POMGNT2: variants seen among roughly 807,000 people sequenced by gnomAD.
The protein encoded by POMGNT2 is protein O-linked-mannose beta-1,4-N-acetylglucosaminyltransferase 2.
In POMGNT2, 32 loss-of-function variants were observed where a neutral mutation model predicts 37.8. The observed-to-expected ratio is 0.85, with a 90% CI of 0.64 to 1.14. The LOEUF (loss-of-function observed/expected upper bound fraction) is 1.14. POMGNT2 is among the 50% of genes most tolerant of loss of function. The probability of loss-of-function intolerance (pLI) is 0.00; values close to 1 mark genes in which losing one functional copy is unlikely to be tolerated. For synonymous variants in POMGNT2, 340 were observed against 336.8 expected (o/e 1.01, Z -0.10); for missense variants, 705 against 780.6 (o/e 0.90, Z 1.15).
chr3:43,080,586 G>T lies in POMGNT2; in HGVS notation c.846C>A (p.Val282=), dbSNP rs761657478. The T allele has an allele frequency of 6.2e-7, 1 of 1,614,246 alleles. No homozygotes were observed. Among genetic ancestry groups the T allele is most frequent in the African/African-American group, 1.3e-5 (1 of 75,066 alleles). ...CCAGAATGTACTCCTCGCCTAGGGG[G>T]ACTCCTGTGTGGCTCACGTTCAGCT... The part of the protein sequence containing the change: ...TEKLNVSHTG[V]PLGEEYILVF... Residue 282 remains valine, a synonymous_variant, in exon 2 of 2, where the codon GTC becomes GTA. Transcript: ENST00000344697.
chr3:43,083,390 AT>A (rs1419002065), intron 1 of POMGNT2, among the ~76,000 whole-genome samples: 3 of 152,256 alleles, frequency 2.0e-5, no homozygotes, highest in African/African-American at 7.2e-5. Flanking sequence ...TAGTTGCTAA[AT>A]AAAAATCCAT....
intron 1 of POMGNT2, among the ~76,000 whole-genome samples, chr3:43,100,291 G>A (rs1184904941): frequency 6.6e-6 from 1 of 152,086 alleles, no homozygotes; most frequent in Non-Finnish European, 1.5e-5. Context: ...AAACAATATA[G>A]TATAACAACT....
At chr3:43,082,521 CAG>C (rs1163996317) in intron 1 of POMGNT2, among the ~76,000 whole-genome samples, 1 of 152,208 alleles carries the variant, frequency 6.6e-6, no homozygotes, top group Non-Finnish European at 1.5e-5. Flanking sequence ...CACACACTGA[CAG>C]AGAGGCCTGG....
At chr3:43,097,113 A>T (rs1278753175) in intron 1 of POMGNT2, among the ~76,000 whole-genome samples, 2 of 152,214 alleles carry the variant, frequency 1.3e-5, no homozygotes, top group Non-Finnish European at 2.9e-5. Context: ...GGCCAGCCCC[A>T]GACACGGGCA....
At chr3:43,099,664 G>A (rs1048491848) in intron 1 of POMGNT2, among the ~76,000 whole-genome samples, 6 of 152,134 alleles carry the variant, frequency 3.9e-5, no homozygotes, top group Admixed American at 1.3e-4. Flanking sequence ...TTCAACAGTA[G>A]AGCCCTATGG....
In POMGNT2 at chr3:43,081,313, C is replaced by A; in HGVS notation, c.119G>T (p.Arg40Leu). ...TGCTGGGGCTGGCTCTGTGGCCTGT[C>A]GGCTGAGGGCCAGCTCCTCCTCCAG... is the stretch of plus-strand genomic sequence containing the variant. ...ATLEEELALS[R>L]QATEPAPALR... The change falls in exon 2 of 2, where the codon CGA (arginine) becomes CTA (leucine). Residue 40 changes from arginine to leucine, a missense_variant. By Grantham distance (102) the Arg-to-Leu change is moderately radical. Transcript: ENST00000344697. The A allele has an allele frequency of 6.2e-7, 1 of 1,612,050 alleles. No homozygotes were observed. Among genetic ancestry groups the A allele is most frequent in the Non-Finnish European group, 8.5e-7 (1 of 1,179,994 alleles).
chr3:43,102,317 C>A (rs1251871265), intron 1 of POMGNT2, among the ~76,000 whole-genome samples: 1 of 152,236 alleles, frequency 6.6e-6, no homozygotes, highest in East Asian at 1.9e-4. Flanking sequence ...AGCAACTACA[C>A]AGCAAAGAAG....
At chr3:43,083,931 T>C (rs2089875515) in intron 1 of POMGNT2, among the ~76,000 whole-genome samples, 1 of 152,224 alleles carries the variant, frequency 6.6e-6, no homozygotes, top group Non-Finnish European at 1.5e-5. Context: ...ATTCTCTTAG[T>C]TTTCCTTCAT....
chr3:43,104,379 A>G (rs1490609711), intron 1 of POMGNT2, among the ~76,000 whole-genome samples: 1 of 152,244 alleles, frequency 6.6e-6, no homozygotes, highest in Non-Finnish European at 1.5e-5. Context: ...AATATTTACT[A>G]GAAGGCTTTG....
intron 1 of POMGNT2, among the ~76,000 whole-genome samples, chr3:43,105,534 G>A (rs890973333): frequency 6.6e-6 from 1 of 152,138 alleles, no homozygotes. Flanking sequence ...GCTCGAACTG[G>A]CAAGCCCCAG....
intron 1 of POMGNT2, among the ~76,000 whole-genome samples, chr3:43,082,172 C>T (rs1158713569): frequency 6.6e-6 from 1 of 152,340 alleles, no homozygotes; most frequent in African/African-American, 2.4e-5. Flanking sequence ...ATAGGAAAAT[C>T]CCTTGCAGGG....
chr3:43,080,827 T>C lies in POMGNT2; in HGVS notation c.605A>G (p.His202Arg), dbSNP rs1269344705. Residue 202 changes from histidine to arginine, a missense_variant, in exon 2 of 2, where the codon CAC becomes CGC. His to Arg is a conservative substitution (Grantham distance 29). Transcript: ENST00000344697. The part of the protein sequence containing the change: ...FFMEGWGEGA[H>R]FDLYKLLSPK... ...GCTGAGCAGCTTGTAGAGGTCGAAG[T>C]GTGCACCCTCGCCCCAGCCCTCCAT... 1 of 1,613,972 alleles carries C rather than the reference T, an allele frequency of 6.2e-7. No individual in the cohort carries two copies. The highest frequency in any genetic ancestry group is 1.1e-5 in the South Asian group (1 of 91,084).
chr3:43,102,000 G>A (rs1216067004), intron 1 of POMGNT2, among the ~76,000 whole-genome samples: 1 of 152,062 alleles, frequency 6.6e-6, no homozygotes, highest in African/African-American at 2.4e-5. Flanking sequence ...CACCAGTAGA[G>A]GACATAGGGA....
chr3:43,081,631 T>G, intron 1 of POMGNT2, 95 bp from the exon 2 acceptor site: 2 of 583,704 alleles, frequency 3.4e-6, no homozygotes, highest in Non-Finnish European at 3.0e-6. Context: ...AGCTAGGCTC[T>G]GTGTGCCCGC....
chr3:43,094,503 G>A (rs2089965563), intron 1 of POMGNT2, among the ~76,000 whole-genome samples: 1 of 152,272 alleles, frequency 6.6e-6, no homozygotes, highest in Admixed American at 6.5e-5. Context: ...GGCAAGGGAA[G>A]TGAGAGAGCC....
chr3:43,101,857 T>A (rs980249995), intron 1 of POMGNT2, among the ~76,000 whole-genome samples: 1 of 152,070 alleles, frequency 6.6e-6, no homozygotes, highest in African/African-American at 2.4e-5. Context: ...AGCTCCCTTT[T>A]GAGACAAGTT....
intron 1 of POMGNT2, among the ~76,000 whole-genome samples, chr3:43,081,899 T>C (rs1464661215): frequency 6.6e-6 from 1 of 152,258 alleles, no homozygotes; most frequent in African/African-American, 2.4e-5. Context: ...TCAGGCTAAC[T>C]TGCTGGCCCC....
rs369796034 is a variant in POMGNT2, at chr3:43,106,064, G to A, written c.-334C>T. 1.3e-5 allele frequency: 2 copies of A among 151,690 alleles called. No homozygotes were observed. Among genetic ancestry groups the A allele is most frequent in the East Asian group, 2.0e-4 (1 of 5,124 alleles). 9.4% of individuals were successfully genotyped at this position (151,690 alleles called of 1,614,324 possible). On this transcript the variant is annotated 5_prime_UTR_variant, in exon 1 of 2. Transcript: ENST00000344697. ...GTGCGCCTGCCCGGCGGGCGAGCCC[G>A]GCGCGGAGCCTGTGCGCCTGCGCAG...
At chr3:43,099,576 G>A (rs1440537744) in intron 1 of POMGNT2, among the ~76,000 whole-genome samples, 1 of 152,184 alleles carries the variant, frequency 6.6e-6, no homozygotes, top group Non-Finnish European at 1.5e-5. Context: ...GACAGGTAAA[G>A]GTCGGGGAGC....
Sources: gnomAD v4.1 joint callset for allele counts (sites outside exome capture counted in the v4.1 genomes callset) on GRCh38, gnomAD v4.1.1 for gene constraint, MANE v1.5 for transcripts, NCBI Gene and HGNC (gene_info 2026-07-23, HGNC 2026-07-21) for gene names.